MYO16: variants seen among roughly 807,000 people sequenced by gnomAD.
The protein encoded by MYO16 is myosin XVI.
MYO16 carries 94 observed loss-of-function variants against 205.3 expected under a neutral mutation model. That is an observed-to-expected ratio of 0.46 (90% CI 0.39 to 0.54). The LOEUF is 0.54. Among genes scored for constraint, MYO16 ranks in the 20% least tolerant of loss-of-function variants. The pLI is 0.00. For synonymous variants in MYO16, 988 were observed against 954.0 expected, an observed-to-expected ratio of 1.04 and a Z score of -0.66; for missense variants, 2,315 against 2,387.5, an observed-to-expected ratio of 0.97 and a Z score of 0.63.
chr13:109,144,931 A>C (rs1703738318), intron 32 of MYO16, among the ~76,000 whole-genome samples: 1 of 152,248 alleles, frequency 6.6e-6, no homozygotes, highest in Non-Finnish European at 1.5e-5. Context: ...ACTATTCCAT[A>C]GCCTTATATG....
In MYO16 at chr13:108,736,158, A is replaced by G. The variant is rs562669423; in HGVS notation, c.507+8575A>G. Among the ~76,000 whole-genome samples the G allele has an allele frequency of 1.2e-4, 19 of 152,228 alleles. No individual in the cohort carries two copies. In the South Asian group the frequency reaches 3.3e-3, roughly 27 times the overall value. ...GAGCTCTTTTGTTTAATTAGATCCC[A>G]TTTGTCAATTTTGGCTTTTGTTGCT... On this transcript the variant is annotated intron_variant, in intron 4 of 34. Transcript: ENST00000457511.
At chr13:108,691,910 C>T (rs1882911583) in intron 2 of MYO16, among the ~76,000 whole-genome samples, 1 of 152,124 alleles carries the variant, frequency 6.6e-6, no homozygotes, top group Non-Finnish European at 1.5e-5. Context: ...GGAAACAATT[C>T]TCTATATGGG....
At chr13:108,766,153 G>GT (rs886697237) in intron 4 of MYO16, among the ~76,000 whole-genome samples, 2 of 152,136 alleles carry the variant, frequency 1.3e-5, no homozygotes, top group Non-Finnish European at 2.9e-5. Flanking sequence ...TGTGCTTCTA[G>GT]TTTTTTCTCT....
At chr13:109,164,111 G>A (rs1331003793) in intron 32 of MYO16, 1 of 152,242 alleles carries the variant, frequency 6.6e-6, no homozygotes, top group Admixed American at 6.5e-5. Context: ...CAGAGAAAGG[G>A]AACTTGGCAG....
At chr13:108,556,577 T>C in the MYO16 span, among the ~76,000 whole-genome samples, 2 of 152,224 alleles carry the variant, frequency 1.3e-5, no homozygotes, top group Admixed American at 1.3e-4. Context: ...TCCCATTCCA[T>C]AGGTTGTCTC....
At chr13:108,869,547 A>AC in intron 12 of MYO16, among the ~76,000 whole-genome samples, 1 of 140,560 alleles carries the variant, frequency 7.1e-6, no homozygotes, top group African/African-American at 2.7e-5. Context: ...ACACGATGAA[A>AC]CCCCGTCTCT....
chr13:108,592,036 T>TA (rs1013075967), upstream of MYO16, among the ~76,000 whole-genome samples: 2 of 113,246 alleles, frequency 1.8e-5, no homozygotes, highest in African/African-American at 3.6e-5. Context: ...GACATAAGAT[T>TA]AAAAAAATTT....
intron 1 of MYO16, among the ~76,000 whole-genome samples, chr13:108,653,722 G>A (rs924346626): frequency 6.6e-6 from 1 of 151,392 alleles, no homozygotes; most frequent in Non-Finnish European, 1.5e-5. Flanking sequence ...AAACATGAAT[G>A]TTGTTAGAAA....
intron 31 of MYO16, among the ~76,000 whole-genome samples, chr13:109,139,580 C>T (rs992270529): frequency 2.0e-5 from 3 of 152,216 alleles, no homozygotes; most frequent in African/African-American, 4.8e-5. Context: ...TGGCTTTATT[C>T]GGCCGGGAGC....
chr13:108,685,586 A>G (rs1356480922), intron 2 of MYO16, among the ~76,000 whole-genome samples: 1 of 152,196 alleles, frequency 6.6e-6, no homozygotes, highest in Non-Finnish European at 1.5e-5. Flanking sequence ...TATACAAGGA[A>G]GGTCCCAGAT....
chr13:108,736,326 G>T (rs533192715), intron 4 of MYO16, among the ~76,000 whole-genome samples: 1 of 152,136 alleles, frequency 6.6e-6, no homozygotes, highest in South Asian at 2.1e-4. Context: ...TTTGTATAAG[G>T]TGTAAGAAGG....
chr13:108,691,345 GA>G (rs1882887340), intron 2 of MYO16, among the ~76,000 whole-genome samples: 1 of 151,920 alleles, frequency 6.6e-6, no homozygotes, highest in African/African-American at 2.4e-5. Flanking sequence ...AGGAAACCCA[GA>G]AAACCAGGGT....
At chr13:109,087,426 A>C (rs1423673198) in intron 27 of MYO16, among the ~76,000 whole-genome samples, 1 of 152,258 alleles carries the variant, frequency 6.6e-6, no homozygotes, top group African/African-American at 2.4e-5. Flanking sequence ...TGGGCTGATC[A>C]GCTGAGGTCA....
chr13:108,669,013 G>A (rs902542780), intron 2 of MYO16, among the ~76,000 whole-genome samples: 50 of 151,988 alleles, frequency 3.3e-4, no homozygotes, highest in Non-Finnish European at 8.8e-5. Context: ...AGATGGGGTG[G>A]CATCCTGGCT....
intron 2 of MYO16, among the ~76,000 whole-genome samples, chr13:108,682,692 G>A (rs148059097): frequency 1.3e-3 from 191 of 152,212 alleles, no homozygotes; most frequent in East Asian, 3.9e-3. Context: ...ACCATGAGTC[G>A]TGCATGGAAG....
At chr13:108,913,927 T>C (rs1881374927) in intron 16 of MYO16, among the ~76,000 whole-genome samples, 1 of 152,210 alleles carries the variant, frequency 6.6e-6, no homozygotes, top group African/African-American at 2.4e-5. Context: ...GCTGTTTCTA[T>C]ACCTCACTGC....
At chr13:109,021,238 G>T (rs1283911475) in intron 23 of MYO16, among the ~76,000 whole-genome samples, 2 of 152,060 alleles carry the variant, frequency 1.3e-5, no homozygotes, top group Non-Finnish European at 2.9e-5. Flanking sequence ...GAACTTTCAG[G>T]AATGACATTA....
At chr13:109,200,093 T>C (rs1880340891) in intron 34 of MYO16, among the ~76,000 whole-genome samples, 2 of 152,212 alleles carry the variant, frequency 1.3e-5, no homozygotes, top group Non-Finnish European at 2.9e-5. Context: ...TAAGGAGTAC[T>C]GGCCTCCTCT....
At chr13:109,058,201 A>G (rs1887475150) in intron 27 of MYO16, among the ~76,000 whole-genome samples, 1 of 152,098 alleles carries the variant, frequency 6.6e-6, no homozygotes, top group South Asian at 2.1e-4. Context: ...ATCTGGGGAC[A>G]ATGTTTTTGT....
Sources: allele counts gnomAD v4.1 joint callset (sites outside exome capture counted in the v4.1 genomes callset), GRCh38; gene constraint gnomAD v4.1.1; transcripts MANE v1.5; gene names NCBI Gene and HGNC (gene_info 2026-07-23, HGNC 2026-07-21).